Variants in SH3PXD2B observed in about 807,000 individuals in gnomAD.
The protein encoded by SH3PXD2B is SH3 and PX domain-containing protein 2B.
A neutral mutation model predicts 73.1 loss-of-function variants in SH3PXD2B; 37 were observed. The ratio of observed to expected loss-of-function variants is 0.51; its 90% CI spans 0.39 to 0.67. The LOEUF (loss-of-function observed/expected upper bound fraction) is 0.67. SH3PXD2B is among the 30% of genes least tolerant of loss of function. The pLI, the probability that SH3PXD2B is intolerant of heterozygous loss-of-function variation, is 0.00. For missense variants in SH3PXD2B, 1,053 were observed against 1,197.8 expected, an observed-to-expected ratio of 0.88 and a Z score of 1.78; for synonymous variants, 457 against 480.5, an observed-to-expected ratio of 0.95 and a Z score of 0.64.
chr5:172,338,317 G>A lies in SH3PXD2B; in HGVS notation c.*52C>T, dbSNP rs1048772757. 30 of 1,612,864 alleles carry A rather than the reference G, an allele frequency of 1.9e-5. No individual in the cohort carries two copies. The highest frequency in any genetic ancestry group is 1.1e-4 in the African/African-American group (8 of 74,914). Reference sequence around the variant, plus strand: ...ATAAATTAAGAGGCGTATTAAATACGTGGGTAAAGCCAGCAAGGACCAGCG... The same window carrying A: ...ATAAATTAAGAGGCGTATTAAATACATGGGTAAAGCCAGCAAGGACCAGCG... On this transcript the variant is annotated 3_prime_UTR_variant, in exon 13 of 13. Coordinates refer to ENST00000311601, the MANE Select transcript of SH3PXD2B (RefSeq NM_001017995.3). The surrounding 1 kb of genome is among the most constrained non-coding windows in gnomAD (Gnocchi z 5.1).
intron 8 of SH3PXD2B, among the ~76,000 whole-genome samples, chr5:172,356,151 C>T (rs1757267886): frequency 6.6e-6 from 1 of 151,902 alleles, no homozygotes; most frequent in South Asian, 2.1e-4. Flanking sequence ...CAGCTGGAAA[C>T]AATCCTAGGA....
rs1442280983 is a variant in SH3PXD2B, at chr5:172,334,957, C to T, written c.*3412G>A. On this transcript the variant is annotated 3_prime_UTR_variant, in exon 13 of 13. Transcript: ENST00000311601. ...TTGTGGCAGAGGTTTAAAATGACTA[C>T]CGTAACCTGGCATGGGCTCCAGCGA... The T allele has an allele frequency of 6.1e-6, 6 of 985,312 alleles. No homozygotes were observed. The African/African-American group carries it at 1.0e-4, about 17-fold the overall frequency. The allele number at this position is 985,312 out of a possible 1,614,324, so 61.0% of individuals were successfully genotyped here.
intron 10 of SH3PXD2B, among the ~76,000 whole-genome samples, chr5:172,348,659 CTATCTATCTATCTATCTAT>C (rs1757064759): frequency 2.8e-5 from 3 of 107,784 alleles, no homozygotes; most frequent in African/African-American, 6.5e-5. Context: ...TCTATCCTAT[CTATCTATCTATCTATCTAT>C]CTATCTATCT....
chr5:172,410,999 G>A (rs1423817903), intron 2 of SH3PXD2B, among the ~76,000 whole-genome samples: 1 of 152,200 alleles, frequency 6.6e-6, no homozygotes, highest in African/African-American at 2.4e-5. Context: ...GCTTCAGAGT[G>A]TCACGTGAAC....
intron 3 of SH3PXD2B, among the ~76,000 whole-genome samples, chr5:172,396,198 CAAAAAAA>C (rs571850981): frequency 1.3e-5 from 1 of 78,408 alleles, no homozygotes; most frequent in Non-Finnish European, 2.3e-5. Flanking sequence ...ACTAAAAATA[CAAAAAAA>C]AAAAAAAAAA....
Position 172,360,457 on chromosome 5 carries a change from C to T in SH3PXD2B, c.563-1580G>A, listed in dbSNP as rs114004616. ...CTCTTAACCATTTTCACTAATGCCT[C>T]ACACACTGCTGGAGGGAGGATAAAT... On this transcript the variant is annotated intron_variant, in intron 7 of 12. Transcript: ENST00000311601. Among the ~76,000 whole-genome samples the T allele has an allele frequency of 8.7e-3, 1,332 of 152,320 alleles. 14 individuals are homozygous for T. Among genetic ancestry groups the T allele is most frequent in the African/African-American group, 0.023 (965 of 41,574 alleles).
intron 1 of SH3PXD2B, among the ~76,000 whole-genome samples, chr5:172,448,762 A>G (rs1759730668): frequency 6.6e-6 from 1 of 152,244 alleles, no homozygotes; most frequent in Non-Finnish European, 1.5e-5. Context: ...AAGGGGGGGC[A>G]TTCGGCCAGT....
chr5:172,368,223 T>C (rs1757569427), intron 6 of SH3PXD2B, among the ~76,000 whole-genome samples: 1 of 151,816 alleles, frequency 6.6e-6, no homozygotes. Flanking sequence ...ATCTTATCAA[T>C]GAGACCTTCC....
rs555807910 is a variant in SH3PXD2B, at chr5:172,347,377, A to C, written c.1013-45T>G. 20 of 1,605,514 alleles carry C rather than the reference A, an allele frequency of 1.2e-5. No homozygotes were observed. The South Asian group carries it at 2.1e-4, about 17-fold the overall frequency. On this transcript the variant is annotated intron_variant, in intron 10 of 12. Coordinates refer to ENST00000311601, the MANE Select transcript of SH3PXD2B (RefSeq NM_001017995.3). The stretch of plus-strand genomic sequence containing the variant: ...TATTACATCTTGTGCTACAGATGAG[A>C]TTCCTGAGCTGGGTGCCAGGTCGGG...
Position 172,334,267 on chromosome 5 carries a change from C to A in SH3PXD2B, c.*4102G>T, listed in dbSNP as rs569577287. 7.3e-4 allele frequency: 746 copies of A among 1,018,238 alleles called. No homozygotes were observed. Among genetic ancestry groups the A allele is most frequent in the Non-Finnish European group, 7.6e-4 (647 of 853,390 alleles). 63.1% of individuals were successfully genotyped at this position (1,018,238 alleles called of 1,614,324 possible). A position where few individuals can be genotyped will look rare whatever the true frequency, so the allele number is the denominator to read the frequency against. On this transcript the variant is annotated 3_prime_UTR_variant, in exon 13 of 13. Transcript: ENST00000311601. The stretch of plus-strand genomic sequence containing the variant: ...AGGTGCTCTGAAGGAGGTCCATGAG[C>A]AGGCAAGGACTGTGGAGCCTCCGGT...
chr5:172,387,927 CA>C (rs1554138465), intron 4 of SH3PXD2B, among the ~76,000 whole-genome samples: 1 of 151,974 alleles, frequency 6.6e-6, no homozygotes, highest in Non-Finnish European at 1.5e-5. Flanking sequence ...TTGCCTCTTA[CA>C]TTTATGTCTT....
intron 2 of SH3PXD2B, among the ~76,000 whole-genome samples, chr5:172,409,106 G>T (rs1006497435): frequency 2.6e-5 from 4 of 152,074 alleles, no homozygotes; most frequent in Non-Finnish European, 5.9e-5. Context: ...AACTGGCCAG[G>T]CGCGGTGGCT....
chr5:172,385,795 A>T (rs1486951511), intron 4 of SH3PXD2B, among the ~76,000 whole-genome samples: 1 of 152,238 alleles, frequency 6.6e-6, no homozygotes, highest in Non-Finnish European at 1.5e-5. Flanking sequence ...CAAACCCCTA[A>T]ACCATAAAAG....
At chr5:172,398,233 C>T (rs1254513445) in intron 3 of SH3PXD2B, among the ~76,000 whole-genome samples, 3 of 152,216 alleles carry the variant, frequency 2.0e-5, no homozygotes, top group Non-Finnish European at 2.9e-5. Flanking sequence ...TGCTTTAATA[C>T]CTAAAAATTG....
rs1190510443 is a variant in SH3PXD2B at position 172,362,778 on chromosome 5, G to A, written c.519C>T (p.Leu173=). Residue 173 remains leucine (L), a synonymous_variant, in exon 7 of 13, where the codon CTC becomes CTT. Coordinates refer to ENST00000311601, the MANE Select transcript of SH3PXD2B (RefSeq NM_001017995.3). ...TGATGTCCACCACCTGCCCCACGCT[G>A]AGGCTGATCTCCGAACTCTCCTGCT... ...YQKQESSEIS[L]SVGQVVDIIE... is the part of the protein sequence containing the mutation. 1.9e-6 allele frequency: 3 copies of A among 1,614,000 alleles called. No homozygotes were observed. The highest frequency in any genetic ancestry group is 2.5e-6 in the Non-Finnish European group (3 of 1,180,020).
intron 1 of SH3PXD2B, among the ~76,000 whole-genome samples, chr5:172,448,468 C>T (rs1759724201): frequency 6.6e-6 from 1 of 152,128 alleles, no homozygotes; most frequent in Admixed American, 6.5e-5. Context: ...TATTGAGTGC[C>T]TTTTATACCC....
At chr5:172,441,390 G>A (rs960765625) in intron 1 of SH3PXD2B, among the ~76,000 whole-genome samples, 6 of 152,236 alleles carry the variant, frequency 3.9e-5, no homozygotes, top group Admixed American at 6.5e-5. Context: ...GTTATCACAT[G>A]TGATTGTGTC....
At chr5:172,382,211 G>A in intron 4 of SH3PXD2B, 84 bp from the exon 5 acceptor site, 1 of 1,120,934 alleles carries the variant, frequency 8.9e-7, no homozygotes, top group East Asian at 2.7e-5. Flanking sequence ...AGCTACTCGG[G>A]AGGCTGAGGC....
At chr5:172,403,763 T>G (rs779225303) in intron 3 of SH3PXD2B, among the ~76,000 whole-genome samples, 2 of 152,236 alleles carry the variant, frequency 1.3e-5, no homozygotes, top group Admixed American at 1.3e-4. Context: ...CCAGTTTACC[T>G]TGAATATCCA....
Sources: gnomAD v4.1 joint callset for allele counts (sites outside exome capture counted in the v4.1 genomes callset) on GRCh38, gnomAD v4.1.1 for gene constraint, Gnocchi (gnomAD v3.1) non-coding constraint, MANE v1.5 for transcripts, NCBI Gene and HGNC (gene_info 2026-07-23, HGNC 2026-07-21) for gene names.